Variants in DNAL1 observed in about 807,000 individuals in gnomAD.
DNAL1 encodes the protein chromosome 14 open reading frame 168.
DNAL1 carries 17 observed loss-of-function variants against 29.4 expected under a neutral mutation model. That is an observed-to-expected ratio of 0.58 (90% CI 0.40 to 0.87). The LOEUF (loss-of-function observed/expected upper bound fraction) is 0.87, where lower values mean the gene tolerates loss of function less well. Among genes scored for constraint, DNAL1 ranks in the 40% least tolerant of loss-of-function variants. The probability of loss-of-function intolerance (pLI) is 0.00; values close to 1 mark genes in which losing one functional copy is unlikely to be tolerated. For synonymous variants in DNAL1, 78 were observed against 76.3 expected (o/e 1.02, Z -0.12); for missense variants, 188 against 214.1 (o/e 0.88, Z 0.76).
chr14:73,673,037 CG>C (rs1038798814), intron 5 of DNAL1: 16 of 152,008 alleles, frequency 1.1e-4, no homozygotes, highest in African/African-American at 3.6e-4. Flanking sequence ...GGATTACAGG[CG>C]TGAGCCACCA....
At chr14:73,676,755 G>A (rs1203812629) in intron 5 of DNAL1, among the ~76,000 whole-genome samples, 1 of 151,278 alleles carries the variant, frequency 6.6e-6, no homozygotes. Flanking sequence ...GAACATCTTT[G>A]CACACATGTC....
chr14:73,654,734 G>T, intron 1 of DNAL1, 113 bp from the exon 2 acceptor site: 2 of 985,686 alleles, frequency 2.0e-6, no homozygotes, highest in Non-Finnish European at 1.4e-6. Flanking sequence ...ACTCCAGCCT[G>T]GGTGACAGAG....
intron 7 of DNAL1, among the ~76,000 whole-genome samples, chr14:73,694,563 C>T (rs143027508): frequency 1.3e-5 from 2 of 151,884 alleles, no homozygotes; most frequent in East Asian, 1.9e-4. Flanking sequence ...TCAGTGTATC[C>T]CCAATGTTCA....
At chr14:73,680,400 G>T (rs1891847275) in intron 5 of DNAL1, among the ~76,000 whole-genome samples, 1 of 152,132 alleles carries the variant, frequency 6.6e-6, no homozygotes, top group Non-Finnish European at 1.5e-5. Flanking sequence ...TTATAATAAT[G>T]AATCTTATGA....
In DNAL1 at chr14:73,645,004, C is replaced by CTAGCAACCAGAGCAGTGACAG. The variant is rs1890945911; in HGVS notation, c.-27_-7dup. ...CGCACGCGCACTGACCCCGCGGGCC[C>CTAGCAACCAGAGCAGTGACAG]TAGCAACCAGAGCAGTGACAGTAGC... On this transcript the variant is annotated 5_prime_UTR_variant, in exon 1 of 8. Coordinates refer to ENST00000553645, the MANE Select transcript of DNAL1 (RefSeq NM_031427.4). 6.2e-7 allele frequency: 1 copy of CTAGCAACCAGAGCAGTGACAG among 1,607,458 alleles called. No individual in the cohort carries two copies. The highest frequency in any genetic ancestry group is 1.1e-5 in the South Asian group (1 of 89,484).
At chr14:73,671,836 C>A (rs1017952730) in intron 5 of DNAL1, among the ~76,000 whole-genome samples, 1 of 152,080 alleles carries the variant, frequency 6.6e-6, no homozygotes, top group African/African-American at 2.4e-5. Flanking sequence ...ATTTTTTTGA[C>A]ATGTCTTATT....
chr14:73,694,536 C>T (rs1892255258), intron 7 of DNAL1, among the ~76,000 whole-genome samples: 1 of 62,306 alleles, frequency 1.6e-5, no homozygotes, highest in Non-Finnish European at 2.9e-5. Context: ...TTTGTTTCCT[C>T]TACAGTGATT....
chr14:73,650,679 G>T (rs1219059252), intron 1 of DNAL1, among the ~76,000 whole-genome samples: 10 of 151,502 alleles, frequency 6.6e-5, no homozygotes, highest in Admixed American at 6.6e-4. Flanking sequence ...TCTTGCTATG[G>T]TGCCCAGGCT....
At position 73,703,634 on chromosome 14, in the gene DNAL1, A is replaced by G. The variant is rs11628223; in HGVS notation, c.*7692A>G. Reference sequence around the variant, plus strand: ...AACTTCAGCGCCTATCCCAAAACCTATAAGAACTGATGATAATCCACCACC... The same window carrying G: ...AACTTCAGCGCCTATCCCAAAACCTGTAAGAACTGATGATAATCCACCACC... On this transcript the variant is annotated 3_prime_UTR_variant, in exon 8 of 8. Transcript: ENST00000553645. The G allele has an allele frequency of 0.22, 33,734 of 151,860 alleles. 5,014 individuals carry two copies. The highest frequency in any genetic ancestry group is 0.33 in the Non-Finnish European group (22,669 of 68,050). 9.4% of individuals were successfully genotyped at this position (151,860 alleles called of 1,614,324 possible).
At chr14:73,659,201 G>A (rs1351469394) in intron 3 of DNAL1, among the ~76,000 whole-genome samples, 4 of 146,162 alleles carry the variant, frequency 2.7e-5, no homozygotes, top group South Asian at 2.1e-4. Flanking sequence ...TGGCTCTGTC[G>A]CCCAGGCTGG....
rs1892458398 is a variant in DNAL1, at chr14:73,702,350, G to C, written c.*6408G>C. On this transcript the variant is annotated 3_prime_UTR_variant, in exon 8 of 8. Coordinates refer to ENST00000553645, the MANE Select transcript of DNAL1 (RefSeq NM_031427.4). ...AGACGAAGTTTCACCATGCTGGCCA[G>C]GTTGGTCTCGAACTCTTGACCTCGT... The C allele has an allele frequency of 6.6e-6, 1 of 152,136 alleles. No homozygotes were observed. 9.4% of individuals were successfully genotyped at this position (152,136 alleles called of 1,614,324 possible).
chr14:73,659,409 A>T (rs180760132), intron 3 of DNAL1, among the ~76,000 whole-genome samples: 2 of 151,782 alleles, frequency 1.3e-5, no homozygotes, highest in African/African-American at 4.8e-5. Flanking sequence ...TGATCCGCCC[A>T]CCTCGGCCTC....
At position 73,695,899 on chromosome 14, in the gene DNAL1, TA is replaced by T; in HGVS notation, c.533-2del. On this transcript the variant is annotated splice_acceptor_variant, in intron 7 of 7. Coordinates refer to ENST00000553645, the MANE Select transcript of DNAL1 (RefSeq NM_031427.4). LOFTEE classifies it high-confidence loss of function. The stretch of plus-strand genomic sequence containing the variant: ...CCAGTAATAATTTTCTTTTTCATTT[TA>T]GGTACTCCAGTAATTAAAGGGGATG... 1 of 1,577,286 alleles carries T rather than the reference TA, an allele frequency of 6.3e-7. No individual in the cohort carries two copies. Among genetic ancestry groups the T allele is most frequent in the Non-Finnish European group, 8.6e-7 (1 of 1,160,266 alleles).
At chr14:73,667,110 G>A (rs943179838) in intron 4 of DNAL1, among the ~76,000 whole-genome samples, 5 of 150,776 alleles carry the variant, frequency 3.3e-5, no homozygotes, top group African/African-American at 4.9e-5. Context: ...TATTTCCACG[G>A]GATATCTAAC....
At position 73,701,674 on chromosome 14, in the gene DNAL1, C is replaced by T. The variant is rs748029436; in HGVS notation, c.*5732C>T. The T allele has an allele frequency of 2.6e-5, 4 of 152,210 alleles. No individual in the cohort carries two copies. Among genetic ancestry groups the T allele is most frequent in the Non-Finnish European group, 4.4e-5 (3 of 68,040 alleles). 9.4% of individuals were successfully genotyped at this position (152,210 alleles called of 1,614,324 possible). A position where few individuals can be genotyped will look rare whatever the true frequency, so the allele number is the denominator to read the frequency against. ...CATCAAAAGACTGGTGAGTTGGAAG[C>T]TAAGAGCACATGCGCATAGCCAGCT... On this transcript the variant is annotated 3_prime_UTR_variant, in exon 8 of 8. Coordinates refer to ENST00000553645, the MANE Select transcript of DNAL1 (RefSeq NM_031427.4).
In DNAL1 at chr14:73,676,233, CA is replaced by C. The variant is rs1193712636; in HGVS notation, c.264+4650del. On this transcript the variant is annotated intron_variant, in intron 5 of 7. Coordinates refer to ENST00000553645, the MANE Select transcript of DNAL1 (RefSeq NM_031427.4). ...TGGGTGACAGAGCAAGAGACTGTCTCAAAAAAAAAAAAAATTTTTTTTTTAA... is the reference window on the plus strand; with the variant it reads ...TGGGTGACAGAGCAAGAGACTGTCTCAAAAAAAAAAAAATTTTTTTTTTAA... 9.2e-4 allele frequency among the ~76,000 whole-genome samples: 111 copies of C among 120,272 alleles called. No homozygotes were observed. The Middle Eastern group carries it at 0.014, about 15-fold the overall frequency. 78.9% of individuals were successfully genotyped at this position (120,272 alleles called of 152,430 possible).
intron 4 of DNAL1, among the ~76,000 whole-genome samples, chr14:73,665,882 T>C (rs749347407): frequency 2.6e-5 from 4 of 152,062 alleles, no homozygotes; most frequent in Non-Finnish European, 5.9e-5. Context: ...CTAACTTGGG[T>C]CAGTTGGTAG....
At chr14:73,664,026 G>A (rs1434005880) in intron 4 of DNAL1, among the ~76,000 whole-genome samples, 1 of 152,146 alleles carries the variant, frequency 6.6e-6, no homozygotes, top group African/African-American at 2.4e-5. Context: ...TCCCTGTACA[G>A]GTTCCCAGGG....
chr14:73,680,449 TC>T (rs1392694050), intron 5 of DNAL1, among the ~76,000 whole-genome samples: 7 of 152,186 alleles, frequency 4.6e-5, no homozygotes, highest in Admixed American at 6.5e-5. Flanking sequence ...TCAGTAGAAT[TC>T]CATAGTTTTA....
Sources: allele counts gnomAD v4.1 joint callset (sites outside exome capture counted in the v4.1 genomes callset), GRCh38; gene constraint gnomAD v4.1.1; transcripts MANE v1.5; gene names NCBI Gene and HGNC (gene_info 2026-07-23, HGNC 2026-07-21).